Variants in SLIT2 observed in about 807,000 individuals in gnomAD.
SLIT2 encodes the protein slit guidance ligand 2.
Under a neutral mutation model 185.7 loss-of-function variants are expected in SLIT2, and 41 were observed. The ratio of observed to expected loss-of-function variants is 0.22; its 90% CI spans 0.17 to 0.29. SLIT2 has a LOEUF of 0.29. SLIT2 is among the 10% of genes least tolerant of loss of function. The pLI is 1.00. For synonymous variants in SLIT2, 693 were observed against 680.2 expected (o/e 1.02, Z -0.29); for missense variants, 1,571 against 1,909.0 (o/e 0.82, Z 3.30).
chr4:20,372,869 T>G (rs1723713581), intron 4 of SLIT2, among the ~76,000 whole-genome samples: 2 of 152,114 alleles, frequency 1.3e-5, no homozygotes, highest in African/African-American at 4.8e-5. Context: ...GTTGTAAGTA[T>G]GTTTACAAAT....
intron 4 of SLIT2, among the ~76,000 whole-genome samples, chr4:20,298,660 C>T (rs1716736599): frequency 1.3e-5 from 2 of 152,116 alleles, no homozygotes; most frequent in South Asian, 4.1e-4. Context: ...CCTCAGTGTT[C>T]TAAATGGTAC....
rs1719501674 is a variant in SLIT2 at position 20,325,508 on chromosome 4, C to T, written c.395+56627C>T. Among the ~76,000 whole-genome samples the T allele has an allele frequency of 2.6e-5, 4 of 151,248 alleles. No homozygotes were observed. The South Asian group carries it at 8.4e-4, about 32-fold the overall frequency. The stretch of plus-strand genomic sequence containing the variant: ...TAATAAATGCCCTGGAAAATACCTG[C>T]AACATTAACAAGTGCCTTAGAAAAT... On this transcript the variant is annotated intron_variant, in intron 4 of 36. Transcript: ENST00000504154.
chr4:20,487,308 A>C (rs937057831), intron 7 of SLIT2, among the ~76,000 whole-genome samples: 1 of 152,164 alleles, frequency 6.6e-6, no homozygotes. Flanking sequence ...AATAAGACTA[A>C]TCTGACAGAA....
At chr4:20,527,793 T>C (rs187799555) in intron 15 of SLIT2, among the ~76,000 whole-genome samples, 7 of 152,354 alleles carry the variant, frequency 4.6e-5, no homozygotes, top group Non-Finnish European at 7.3e-5. Context: ...AATATGTATA[T>C]TAATCTTAAT....
intron 4 of SLIT2, among the ~76,000 whole-genome samples, chr4:20,455,762 G>A (rs893735156): frequency 6.6e-6 from 1 of 152,016 alleles, no homozygotes; most frequent in Admixed American, 6.6e-5. Context: ...ACTATGAATT[G>A]TACAGTTTAC....
At chr4:20,511,588 T>TTTTTTTTTTTTTTTA (rs1719732399) in intron 11 of SLIT2, among the ~76,000 whole-genome samples, 2 of 50,450 alleles carry the variant, frequency 4.0e-5, no homozygotes, top group Non-Finnish European at 7.2e-5. Flanking sequence ...ATCCAGCTAA[T>TTTTTTTTTTTTTTTA]TTTTTTTTTT....
chr4:20,385,484 C>T (rs1724864927), intron 4 of SLIT2, among the ~76,000 whole-genome samples: 1 of 152,014 alleles, frequency 6.6e-6, no homozygotes, highest in Non-Finnish European at 1.5e-5. Flanking sequence ...TGGCCAAGTT[C>T]AGAGAGCTTG....
intron 34 of SLIT2, chr4:20,615,205 A>C (rs946225877): frequency 2.0e-5 from 3 of 152,204 alleles, no homozygotes; most frequent in African/African-American, 7.2e-5. Flanking sequence ...ACCCCAGGGC[A>C]AGGAATTTTC....
At chr4:20,537,414 A>G (rs1428883804) in intron 18 of SLIT2, among the ~76,000 whole-genome samples, 2 of 152,136 alleles carry the variant, frequency 1.3e-5, no homozygotes, top group African/African-American at 2.4e-5. Context: ...ATGACTGTAC[A>G]GTCACATTTG....
chr4:20,600,011 G>A (rs1267060415), intron 33 of SLIT2, among the ~76,000 whole-genome samples: 2 of 152,170 alleles, frequency 1.3e-5, no homozygotes, highest in African/African-American at 4.8e-5. Context: ...TGGTTTCCAA[G>A]TTGAATACAA....
At chr4:20,589,068 T>C (rs777657778) in intron 29 of SLIT2, among the ~76,000 whole-genome samples, 1 of 152,190 alleles carries the variant, frequency 6.6e-6, no homozygotes, top group Non-Finnish European at 1.5e-5. Context: ...AACATAAAAC[T>C]ATAGAATAAG....
At chr4:20,262,698 T>C (rs1189887855) in intron 3 of SLIT2, among the ~76,000 whole-genome samples, 2 of 151,860 alleles carry the variant, frequency 1.3e-5, no homozygotes, top group Non-Finnish European at 2.9e-5. Context: ...ATATAAGTGT[T>C]CCAAAAGATA....
At chr4:20,584,033 T>C (rs1726832113) in intron 29 of SLIT2, among the ~76,000 whole-genome samples, 1 of 152,028 alleles carries the variant, frequency 6.6e-6, no homozygotes, top group South Asian at 2.1e-4. Context: ...AATGAAGTAA[T>C]GTTATTTTGT....
At chr4:20,376,050 A>G (rs1723989420) in intron 4 of SLIT2, among the ~76,000 whole-genome samples, 1 of 151,630 alleles carries the variant, frequency 6.6e-6, no homozygotes, top group Non-Finnish European at 1.5e-5. Context: ...CATAAATAAC[A>G]TATCTATAAA....
intron 9 of SLIT2, among the ~76,000 whole-genome samples, chr4:20,494,837 C>A (rs1718086874): frequency 6.6e-6 from 1 of 150,482 alleles, no homozygotes; most frequent in Non-Finnish European, 1.5e-5. Context: ...GCAAGCAAGA[C>A]AAGGACTTGA....
At chr4:20,516,248 G>A (rs572078404) in intron 11 of SLIT2, among the ~76,000 whole-genome samples, 2 of 152,094 alleles carry the variant, frequency 1.3e-5, no homozygotes, top group Non-Finnish European at 2.9e-5. Flanking sequence ...ATAGCAGCAG[G>A]TACAAGAGCT....
chr4:20,322,526 T>G lies in SLIT2; in HGVS notation c.395+53645T>G, dbSNP rs1481187482. Among the ~76,000 whole-genome samples, 5 of 152,144 alleles carry G rather than the reference T, an allele frequency of 3.3e-5. No homozygotes were observed. The East Asian group carries it at 9.6e-4, about 29-fold the overall frequency. ...GCAGGCTCCTCTGTGCTTATCAGGT[T>G]TTTCATAATTTTGAGTTTTTTTCTT... On this transcript the variant is annotated intron_variant, in intron 4 of 36. Coordinates refer to ENST00000504154, the MANE Select transcript of SLIT2 (RefSeq NM_004787.4).
At chr4:20,295,511 A>AGCT (rs1453615854) in intron 4 of SLIT2, among the ~76,000 whole-genome samples, 1 of 152,182 alleles carries the variant, frequency 6.6e-6, no homozygotes, top group Non-Finnish European at 1.5e-5. Context: ...CTGCTAAGAT[A>AGCT]GCTGCTCAAG....
chr4:20,254,033 G>T lies in SLIT2; in HGVS notation c.179+39G>T, dbSNP rs758728195. ...CTTCGTCTTCCCCTCTCCCCATCCG[G>T]GCCGCGCACCCCTGCCTCCACTGGA... is the stretch of plus-strand genomic sequence containing the variant. On this transcript the variant is annotated intron_variant, in intron 1 of 36. Coordinates refer to ENST00000504154, the MANE Select transcript of SLIT2 (RefSeq NM_004787.4). This position sits in a 1 kb window ranked among gnomAD's most constrained non-coding sequence, Gnocchi z 5.1. 3 of 1,577,488 alleles carry T rather than the reference G, an allele frequency of 1.9e-6. No individual in the cohort carries two copies. Among genetic ancestry groups the T allele is most frequent in the East Asian group, 4.5e-5 (2 of 44,460 alleles).
Sources: allele counts gnomAD v4.1 joint callset (sites outside exome capture counted in the v4.1 genomes callset), GRCh38; gene constraint gnomAD v4.1.1; non-coding constraint Gnocchi (gnomAD v3.1); transcripts MANE v1.5; gene names NCBI Gene and HGNC (gene_info 2026-07-23, HGNC 2026-07-21).